TNRC6A: variants seen among roughly 807,000 people sequenced by gnomAD.
The protein encoded by TNRC6A is trinucleotide repeat-containing gene 6A protein.
A neutral mutation model predicts 221.2 loss-of-function variants in TNRC6A; 44 were observed. The observed-to-expected ratio is 0.20, with a 90% CI of 0.16 to 0.26. The LOEUF (loss-of-function observed/expected upper bound fraction) is 0.26, where lower values mean the gene tolerates loss of function less well. Among genes scored for constraint, TNRC6A ranks in the 10% least tolerant of loss-of-function variants. The pLI, the probability that TNRC6A is intolerant of heterozygous loss-of-function variation, is 1.00. For missense variants in TNRC6A, 2,199 were observed against 2,404.4 expected (o/e 0.91, Z 1.79); for synonymous variants, 847 against 838.5 (o/e 1.01, Z -0.18).
At chr16:24,772,488 C>T (rs2057632174) in intron 4 of TNRC6A, among the ~76,000 whole-genome samples, 1 of 151,338 alleles carries the variant, frequency 6.6e-6, no homozygotes, top group Admixed American at 6.6e-5. Flanking sequence ...GTGCAAAACC[C>T]TGCCTAAAAA....
intron 2 of TNRC6A, among the ~76,000 whole-genome samples, chr16:24,748,531 G>T (rs898763566): frequency 6.6e-6 from 1 of 152,032 alleles, no homozygotes; most frequent in African/African-American, 2.4e-5. Flanking sequence ...AAATGACAGC[G>T]AAGTATAGCA....
chr16:24,619,483 G>A (rs1900554814), intron 1 of TNRC6A, among the ~76,000 whole-genome samples: 1 of 152,208 alleles, frequency 6.6e-6, no homozygotes, highest in South Asian at 2.1e-4. Flanking sequence ...CAGATACAAT[G>A]TAGTAAATTA....
chr16:24,641,182 G>A (rs761011972), intron 2 of TNRC6A, among the ~76,000 whole-genome samples: 3 of 152,162 alleles, frequency 2.0e-5, no homozygotes, highest in Admixed American at 1.3e-4. Context: ...CAGACCTCAC[G>A]ATCCTGGGAC....
intron 4 of TNRC6A, among the ~76,000 whole-genome samples, chr16:24,766,831 C>T (rs1210781233): frequency 6.6e-6 from 1 of 151,968 alleles, no homozygotes; most frequent in African/African-American, 2.4e-5. Context: ...CGCCTGCCAC[C>T]ACACCCAGCT....
At chr16:24,773,650 C>T (rs2057659596) in intron 4 of TNRC6A, among the ~76,000 whole-genome samples, 1 of 152,014 alleles carries the variant, frequency 6.6e-6, no homozygotes, top group Non-Finnish European at 1.5e-5. Context: ...TTCCGGTTTT[C>T]TCTGTCTCCA....
Position 24,771,582 on chromosome 16 carries a change from T to TTATGTTGTGATGTTA in TNRC6A, c.164-5350_164-5349insATGTTGTGATGTTAT. Among the ~76,000 whole-genome samples, 477 of 95,504 alleles carry TTATGTTGTGATGTTA rather than the reference T, an allele frequency of 5.0e-3. 6 individuals are homozygous for TTATGTTGTGATGTTA. The highest frequency in any genetic ancestry group is 0.013 in the Admixed American group (105 of 8,136). 62.7% of individuals were successfully genotyped at this position (95,504 alleles called of 152,430 possible). On this transcript the variant is annotated intron_variant, in intron 4 of 24. Transcript: ENST00000395799. ...ATGTTTTATGTTATGTTATGTTATG[T>TTATGTTGTGATGTTA]TGTTATGTTATGTTATGTTATGTTA...
At chr16:24,816,987 T>C in intron 20 of TNRC6A, 31 bp downstream of exon 20, 1 of 1,603,294 alleles carries the variant, frequency 6.2e-7, no homozygotes, top group Non-Finnish European at 8.5e-7. Context: ...AATTTCTGAG[T>C]GACACTTAAC....
chr16:24,675,721 T>C (rs2055408007), intron 2 of TNRC6A, among the ~76,000 whole-genome samples: 1 of 128,260 alleles, frequency 7.8e-6, no homozygotes, highest in Admixed American at 8.0e-5. Context: ...TATATATATA[T>C]ATATATATAT....
chr16:24,713,236 G>T (rs891027212), intron 2 of TNRC6A, among the ~76,000 whole-genome samples: 1 of 151,944 alleles, frequency 6.6e-6, no homozygotes, highest in Non-Finnish European at 1.5e-5. Flanking sequence ...TGGGTAACAT[G>T]GCAAAACCCC....
At chr16:24,650,613 C>T (rs935517636) in intron 2 of TNRC6A, among the ~76,000 whole-genome samples, 1 of 149,844 alleles carries the variant, frequency 6.7e-6, no homozygotes, top group African/African-American at 2.5e-5. Context: ...TGCAGTGAGC[C>T]AAGATTATGC....
In TNRC6A at chr16:24,715,834, T is replaced by C. The variant is rs112972255; in HGVS notation, n.403-34892T>C. Among the ~76,000 whole-genome samples, 12 of 152,174 alleles carry C rather than the reference T, an allele frequency of 7.9e-5. 1 individual carries two copies. Among genetic ancestry groups the C allele is most frequent in the African/African-American group, 2.6e-4 (11 of 41,552 alleles). ...CGGGGTTTCCCTATGTTGGCCAGGC[T>C]GGTCTCAAACTCTTGGCCTCAAGTG... On this transcript the variant is annotated intron_variant and non_coding_transcript_variant, in intron 2 of 2. Transcript: ENST00000566108.
intron 2 of TNRC6A, among the ~76,000 whole-genome samples, chr16:24,745,358 T>G (rs1308655183): frequency 6.6e-6 from 1 of 151,762 alleles, no homozygotes; most frequent in African/African-American, 2.4e-5. Context: ...TTAATTTAGG[T>G]AGGAGGATAA....
At chr16:24,761,977 A>G (rs2057373844) in intron 4 of TNRC6A, among the ~76,000 whole-genome samples, 1 of 152,010 alleles carries the variant, frequency 6.6e-6, no homozygotes, top group East Asian at 1.9e-4. Context: ...ACTCCTTCAT[A>G]TCAGTGCCAG....
At chr16:24,745,801 C>A (rs939250094) in intron 2 of TNRC6A, among the ~76,000 whole-genome samples, 11 of 146,870 alleles carry the variant, frequency 7.5e-5, no homozygotes, top group East Asian at 2.0e-4. Context: ...ACCATCCCCC[C>A]CCCCCCCAGC....
intron 2 of TNRC6A, among the ~76,000 whole-genome samples, chr16:24,692,307 A>T (rs1399364677): frequency 6.6e-6 from 1 of 152,210 alleles, no homozygotes; most frequent in Non-Finnish European, 1.5e-5. Flanking sequence ...GTGGTGGCTC[A>T]CACCTGTAAT....
intron 4 of TNRC6A, among the ~76,000 whole-genome samples, chr16:24,775,408 GC>G (rs1177921477): frequency 1.3e-5 from 2 of 152,030 alleles, no homozygotes; most frequent in African/African-American, 4.8e-5. Flanking sequence ...AAAAAAAGAG[GC>G]TAAGATCATA....
intron 2 of TNRC6A, among the ~76,000 whole-genome samples, chr16:24,733,347 A>G (rs1439362425): frequency 1.3e-5 from 2 of 152,222 alleles, no homozygotes; most frequent in Admixed American, 6.5e-5. Flanking sequence ...AATCCTCAAG[A>G]CAGTGTGCCT....
intron 5 of TNRC6A, among the ~76,000 whole-genome samples, chr16:24,782,951 G>A (rs986432244): frequency 2.6e-5 from 4 of 152,000 alleles, no homozygotes; most frequent in African/African-American, 9.7e-5. Flanking sequence ...CATACTCCTT[G>A]GAAACATTGT....
chr16:24,748,543 C>T (rs1172019314), intron 2 of TNRC6A, among the ~76,000 whole-genome samples: 3 of 152,162 alleles, frequency 2.0e-5, no homozygotes, highest in Admixed American at 2.0e-4. Flanking sequence ...AGTATAGCAA[C>T]AGTTATCATA....
Sources: allele counts gnomAD v4.1 joint callset (sites outside exome capture counted in the v4.1 genomes callset), GRCh38; gene constraint gnomAD v4.1.1; transcripts MANE v1.5; gene names NCBI Gene and HGNC (gene_info 2026-07-23, HGNC 2026-07-21).